BCL2: variants seen among roughly 807,000 people sequenced by gnomAD.
BCL2 encodes the protein BCL2 apoptosis regulator.
BCL2 carries 1 observed loss-of-function variant against 14.2 expected under a neutral mutation model. The observed-to-expected ratio is 0.07, with a 90% CI of 0.02 to 0.33. The LOEUF (loss-of-function observed/expected upper bound fraction) is 0.33, where lower values mean the gene tolerates loss of function less well. BCL2 is among the 10% of genes least tolerant of loss of function. The probability of loss-of-function intolerance (pLI) is 0.99; values close to 1 mark genes in which losing one functional copy is unlikely to be tolerated. For synonymous variants in BCL2, 151 were observed against 137.2 expected (o/e 1.10, Z -0.70); for missense variants, 247 against 305.9 (o/e 0.81, Z 1.44).
intron 2 of BCL2, among the ~76,000 whole-genome samples, chr18:63,197,530 C>T (rs1019683242): frequency 6.6e-6 from 1 of 152,120 alleles, no homozygotes; most frequent in Non-Finnish European, 1.5e-5. Flanking sequence ...GTGACAGCTA[C>T]CTCAGAGGAC....
rs917215701 is a variant in BCL2 at position 63,291,409 on chromosome 18, A to G, written c.585+26673T>C. 1.7e-4 allele frequency among the ~76,000 whole-genome samples: 26 copies of G among 152,242 alleles called. 2 individuals are homozygous for G. Among genetic ancestry groups the G allele is most frequent in the Admixed American group, 1.7e-3 (26 of 15,292 alleles). On this transcript the variant is annotated intron_variant, in intron 2 of 2. Transcript: ENST00000333681. Reference sequence around the variant, plus strand: ...ACTCTTCTTACCAAAGATTCACAATACAGTGTTGATGGGAACGTGACCTAG... The same window carrying G: ...ACTCTTCTTACCAAAGATTCACAATGCAGTGTTGATGGGAACGTGACCTAG...
Position 63,123,418 on chromosome 18 carries a change from T to C in BCL2, c.*5207A>G, listed in dbSNP as rs775407079. 11 of 198,118 alleles carry C rather than the reference T, an allele frequency of 5.6e-5. No homozygotes were observed. Among genetic ancestry groups the C allele is most frequent in the Middle Eastern group, 1.8e-3 (1 of 558 alleles). The allele number at this position is 198,118 out of a possible 1,614,324, so 12.3% of individuals were successfully genotyped here. ...AGACAAGGAAAGTTTAATGGCAATG[T>C]GACTTTTTCCAACAACACAAACAAA... On this transcript the variant is annotated 3_prime_UTR_variant, in exon 3 of 3. Transcript: ENST00000333681.
intron 2 of BCL2, among the ~76,000 whole-genome samples, chr18:63,220,147 A>T (rs1245364689): frequency 6.6e-6 from 1 of 152,216 alleles, no homozygotes; most frequent in African/African-American, 2.4e-5. Context: ...TATTACCTGT[A>T]AAGTTGGGCT....
At chr18:63,242,250 C>G (rs1404161555) in intron 2 of BCL2, among the ~76,000 whole-genome samples, 1 of 152,204 alleles carries the variant, frequency 6.6e-6, no homozygotes, top group Non-Finnish European at 1.5e-5. Context: ...TGCCATGAGG[C>G]AGTCAAAAGA....
At chr18:63,232,642 A>C (rs1324277639) in intron 2 of BCL2, among the ~76,000 whole-genome samples, 1 of 152,252 alleles carries the variant, frequency 6.6e-6, no homozygotes, top group African/African-American at 2.4e-5. Context: ...CAACAATGTC[A>C]AGAGTGGGAG....
chr18:63,159,849 TG>T (rs983522451), intron 2 of BCL2, among the ~76,000 whole-genome samples: 5 of 152,218 alleles, frequency 3.3e-5, no homozygotes, highest in African/African-American at 1.2e-4. Flanking sequence ...CCCCGCACAG[TG>T]GGGACTGCCC....
chr18:63,155,077 A>C (rs1914740155), intron 2 of BCL2, among the ~76,000 whole-genome samples: 1 of 152,156 alleles, frequency 6.6e-6, no homozygotes, highest in African/African-American at 2.4e-5. Context: ...CTGAGCCTCA[A>C]CTTATTCATC....
chr18:63,182,788 T>A (rs1010357883), intron 2 of BCL2, among the ~76,000 whole-genome samples: 1 of 152,196 alleles, frequency 6.6e-6, no homozygotes, highest in Admixed American at 6.5e-5. Flanking sequence ...TTTGCACTAA[T>A]CTCTTTAAGG....
intron 2 of BCL2, among the ~76,000 whole-genome samples, chr18:63,237,864 A>G (rs559323257): frequency 6.6e-6 from 1 of 152,366 alleles, no homozygotes; most frequent in African/African-American, 2.4e-5. Flanking sequence ...AATTGATTTT[A>G]AATAGTTTTT....
chr18:63,205,261 T>C (rs1909804924), intron 2 of BCL2, among the ~76,000 whole-genome samples: 1 of 152,212 alleles, frequency 6.6e-6, no homozygotes, highest in Non-Finnish European at 1.5e-5. Flanking sequence ...GTAACACATA[T>C]GATTATTTGT....
intron 2 of BCL2, among the ~76,000 whole-genome samples, chr18:63,265,524 C>T (rs1911801187): frequency 6.6e-6 from 1 of 152,172 alleles, no homozygotes; most frequent in Admixed American, 6.5e-5. Flanking sequence ...AACAACCTCA[C>T]ACACCCATGC....
At chr18:63,238,555 T>A (rs1296415467) in intron 2 of BCL2, among the ~76,000 whole-genome samples, 1 of 152,236 alleles carries the variant, frequency 6.6e-6, no homozygotes, top group Non-Finnish European at 1.5e-5. Context: ...GTATTTGCAA[T>A]GTTCTGTCCC....
intron 2 of BCL2, among the ~76,000 whole-genome samples, chr18:63,305,501 C>CAAT (rs1195853030): frequency 1.3e-5 from 2 of 152,076 alleles, no homozygotes; most frequent in Non-Finnish European, 2.9e-5. Flanking sequence ...AGTTGGAATA[C>CAAT]AATATCTGCC....
At position 63,223,950 on chromosome 18, in the gene BCL2, A is replaced by G. The variant is rs9962421; in HGVS notation, c.585+94132T>C. 3.2e-3 allele frequency among the ~76,000 whole-genome samples: 483 copies of G among 152,300 alleles called. 5 individuals are homozygous for G. The highest frequency in any genetic ancestry group is 0.011 in the African/African-American group (447 of 41,578). On this transcript the variant is annotated intron_variant, in intron 2 of 2. Transcript: ENST00000333681. The stretch of plus-strand genomic sequence containing the variant: ...AAACAAACAGACTGAAAAAGACAAC[A>G]TGGAGGAGACAGAGACCAGGAGAGG...
chr18:63,205,655 A>G (rs73471341), intron 2 of BCL2, among the ~76,000 whole-genome samples: 3,062 of 152,266 alleles, frequency 0.02, 36 homozygotes, highest in South Asian at 0.055. Flanking sequence ...AACCTCCTCT[A>G]TTTAAAAAAA....
intron 2 of BCL2, among the ~76,000 whole-genome samples, chr18:63,174,170 A>G (rs1915294592): frequency 1.3e-5 from 2 of 152,208 alleles, no homozygotes; most frequent in Admixed American, 1.3e-4. Flanking sequence ...TAAAACCTCT[A>G]TGAAATGAGT....
intron 2 of BCL2, among the ~76,000 whole-genome samples, chr18:63,250,963 A>G (rs552649941): frequency 6.6e-6 from 1 of 152,138 alleles, no homozygotes; most frequent in Non-Finnish European, 1.5e-5. Flanking sequence ...TTTAGTATTT[A>G]AAAGTTGTAG....
intron 2 of BCL2, among the ~76,000 whole-genome samples, chr18:63,286,497 G>A (rs1040020373): frequency 1.3e-5 from 2 of 152,144 alleles, no homozygotes; most frequent in Admixed American, 6.5e-5. Context: ...ATTAGGGCAG[G>A]AGTAGGGGCG....
chr18:63,161,536 G>T (rs1280727424), intron 2 of BCL2, among the ~76,000 whole-genome samples: 1 of 152,118 alleles, frequency 6.6e-6, no homozygotes, highest in Non-Finnish European at 1.5e-5. Context: ...CCTTCTGTTG[G>T]ACTGACATAC....
Sources: gnomAD v4.1 joint callset for allele counts (sites outside exome capture counted in the v4.1 genomes callset) on GRCh38, gnomAD v4.1.1 for gene constraint, MANE v1.5 for transcripts, NCBI Gene and HGNC (gene_info 2026-07-23, HGNC 2026-07-21) for gene names.